CDC42BPA: variants seen among roughly 807,000 people sequenced by gnomAD.
The protein encoded by CDC42BPA is serine/threonine-protein kinase MRCK alpha.
In CDC42BPA, 80 loss-of-function variants were observed where a neutral mutation model predicts 223.5. The observed-to-expected ratio is 0.36, with a 90% CI of 0.30 to 0.43. The LOEUF (loss-of-function observed/expected upper bound fraction) is 0.43, where lower values mean the gene tolerates loss of function less well. Among genes scored for constraint, CDC42BPA ranks in the 20% least tolerant of loss-of-function variants. The pLI is 1.00. For missense variants in CDC42BPA, 1,743 were observed against 2,099.9 expected (o/e 0.83, Z 3.32); for synonymous variants, 694 against 718.6 (o/e 0.97, Z 0.55).
intron 2 of CDC42BPA, among the ~76,000 whole-genome samples, chr1:227,223,953 G>A (rs937029475): frequency 4.6e-5 from 7 of 152,132 alleles, no homozygotes; most frequent in Non-Finnish European, 8.8e-5. Flanking sequence ...TTCTGAGCAC[G>A]TTTAAGGTAG....
intron 1 of CDC42BPA, among the ~76,000 whole-genome samples, chr1:227,279,913 C>T (rs1275077952): frequency 1.3e-5 from 2 of 151,894 alleles, no homozygotes; most frequent in Non-Finnish European, 2.9e-5. Flanking sequence ...AAAAAATTAG[C>T]CGGATGTGGT....
intron 1 of CDC42BPA, among the ~76,000 whole-genome samples, chr1:227,274,182 T>G (rs2148495907): frequency 6.6e-6 from 1 of 152,112 alleles, no homozygotes; most frequent in South Asian, 2.1e-4. Context: ...GTAGTAGAGA[T>G]GCAAGGAGTG....
At chr1:227,078,367 A>G (rs891066340) in intron 17 of CDC42BPA, among the ~76,000 whole-genome samples, 20 of 152,284 alleles carry the variant, frequency 1.3e-4, no homozygotes, top group Non-Finnish European at 2.5e-4. Flanking sequence ...TTTAAACTTT[A>G]AATGTTTAGT....
chr1:227,136,152 A>G (rs1306557316), intron 10 of CDC42BPA, among the ~76,000 whole-genome samples: 3 of 152,118 alleles, frequency 2.0e-5, no homozygotes, highest in Non-Finnish European at 4.4e-5. Context: ...GAAAACAGAG[A>G]AAAAAATACA....
intron 11 of CDC42BPA, among the ~76,000 whole-genome samples, chr1:227,120,283 T>A (rs1273405863): frequency 6.6e-6 from 1 of 152,162 alleles, no homozygotes; most frequent in Non-Finnish European, 1.5e-5. Context: ...TACTGCAGTG[T>A]TGGTAAGCAT....
Position 227,317,778 on chromosome 1 carries a change from G to C in CDC42BPA, c.-596C>G, listed in dbSNP as rs543494245. 2.5e-6 allele frequency: 1 copy of C among 398,614 alleles called. No individual in the cohort carries two copies. The highest frequency in any genetic ancestry group is 4.4e-6 in the Non-Finnish European group (1 of 226,120). The allele number at this position is 398,614 out of a possible 1,614,324, so 24.7% of individuals were successfully genotyped here. On this transcript the variant is annotated 5_prime_UTR_variant, in exon 1 of 37. Transcript: ENST00000366766. ...TTCTCCAGCGGGAAAGGGAGGGGGC[G>C]AGGTCCCTGAAGCAGCCCCTCGGCT...
At chr1:227,197,859 A>G (rs2063663) in intron 4 of CDC42BPA, among the ~76,000 whole-genome samples, 103,604 of 151,850 alleles carry the variant, frequency 0.68, 35,573 homozygotes, top group South Asian at 0.73. Context: ...TACAAATGTT[A>G]TTAACAAACC....
intron 2 of CDC42BPA, among the ~76,000 whole-genome samples, chr1:227,222,507 AAAC>A (rs148393691): frequency 0.03 from 4,545 of 150,256 alleles, 195 homozygotes; most frequent in African/African-American, 0.1. Context: ...TCAAACAAAG[AAAC>A]AACAACAACA....
intron 1 of CDC42BPA, among the ~76,000 whole-genome samples, chr1:227,288,628 G>A (rs971980650): frequency 1.4e-4 from 21 of 151,896 alleles, no homozygotes; most frequent in African/African-American, 3.4e-4. Context: ...CCCGGGAGGC[G>A]GGGGTTGCAG....
chr1:227,006,908 C>T lies in CDC42BPA; in HGVS notation c.4858-1797G>A, dbSNP rs963957784. Among the ~76,000 whole-genome samples, 13 of 67,264 alleles carry T rather than the reference C, an allele frequency of 1.9e-4. 1 individual carries two copies. Among genetic ancestry groups the T allele is most frequent in the East Asian group, 1.3e-3 (3 of 2,364 alleles). The allele number at this position is 67,264 out of a possible 152,430, so 44.1% of individuals were successfully genotyped here. A position where few individuals can be genotyped will look rare whatever the true frequency, so the allele number is the denominator to read the frequency against. On this transcript the variant is annotated intron_variant, in intron 34 of 36. Transcript: ENST00000366766. ...GAGCCAAGATCACGCCACTGCACTC[C>T]GGCCTGGGCGTGCACTCACTCTGCA...
intron 5 of CDC42BPA, among the ~76,000 whole-genome samples, chr1:227,175,139 A>G (rs1159571326): frequency 1.3e-5 from 2 of 152,220 alleles, no homozygotes. Context: ...ATCAGGAAAT[A>G]TATTTTCGTG....
At chr1:227,220,413 T>C (rs1395396546) in intron 2 of CDC42BPA, among the ~76,000 whole-genome samples, 1 of 149,614 alleles carries the variant, frequency 6.7e-6, no homozygotes, top group Non-Finnish European at 1.5e-5. Flanking sequence ...AATATATATA[T>C]ACTTTGTCTT....
chr1:227,244,977 A>C (rs1400902397), intron 2 of CDC42BPA, among the ~76,000 whole-genome samples: 1 of 152,224 alleles, frequency 6.6e-6, no homozygotes, highest in African/African-American at 2.4e-5. Flanking sequence ...GACTAGCTCT[A>C]GCCAAAGGGG....
intron 2 of CDC42BPA, among the ~76,000 whole-genome samples, chr1:227,244,753 T>C (rs1424846739): frequency 6.6e-6 from 1 of 152,232 alleles, no homozygotes; most frequent in East Asian, 1.9e-4. Flanking sequence ...TGGTTTTAAC[T>C]TCATATCTTG....
At chr1:227,308,804 A>C (rs1012056233) in intron 1 of CDC42BPA, among the ~76,000 whole-genome samples, 1 of 152,204 alleles carries the variant, frequency 6.6e-6, no homozygotes, top group Admixed American at 6.5e-5. Context: ...GGAAACTCTA[A>C]GGAAACTGGA....
intron 1 of CDC42BPA, among the ~76,000 whole-genome samples, chr1:227,305,389 G>C (rs1692360308): frequency 6.6e-6 from 1 of 152,090 alleles, no homozygotes; most frequent in Non-Finnish European, 1.5e-5. Flanking sequence ...AAATGGATAG[G>C]ATAAAAGTAA....
At chr1:227,030,646 AC>A in intron 28 of CDC42BPA, among the ~76,000 whole-genome samples, 176 bp from the exon 29 acceptor site, 1 of 152,350 alleles carries the variant, frequency 6.6e-6, no homozygotes, top group South Asian at 2.1e-4. Context: ...CTAAAATAGA[AC>A]AATTATTAAA....
At chr1:227,278,566 T>C (rs1687504753) in intron 1 of CDC42BPA, among the ~76,000 whole-genome samples, 1 of 152,224 alleles carries the variant, frequency 6.6e-6, no homozygotes, top group African/African-American at 2.4e-5. Context: ...GTTATTGGGA[T>C]TAGTACTACA....
chr1:227,057,089 G>A (rs56260717), intron 21 of CDC42BPA, among the ~76,000 whole-genome samples: 31,070 of 151,964 alleles, frequency 0.2, 3,280 homozygotes, highest in Middle Eastern at 0.26. Flanking sequence ...TAAGCCATAC[G>A]TGGGCTATAA....
Sources: gnomAD v4.1 joint callset for allele counts (sites outside exome capture counted in the v4.1 genomes callset) on GRCh38, gnomAD v4.1.1 for gene constraint, MANE v1.5 for transcripts, NCBI Gene and HGNC (gene_info 2026-07-23, HGNC 2026-07-21) for gene names.